LRRC37A2: variants seen among roughly 807,000 people sequenced by gnomAD.
LRRC37A2 encodes leucine rich repeat containing 37 member A2.
In LRRC37A2, 9 loss-of-function variants were observed where a neutral mutation model predicts 68.8. That is an observed-to-expected ratio of 0.13 (90% CI 0.08 to 0.23). The LOEUF is 0.23. LRRC37A2 is among the 10% of genes least tolerant of loss of function. LRRC37A2 has a pLI of 1.00. For synonymous variants in LRRC37A2, 63 were observed against 367.6 expected (o/e 0.17, Z 9.48); for missense variants, 168 against 950.4 (o/e 0.18, Z 10.82).
chr17:46,833,010 G>T, the LRRC37A2 span: 11 of 275,742 alleles, frequency 4.0e-5, no homozygotes, highest in Non-Finnish European at 6.4e-5. Context: ...GCCCCTTTAG[G>T]CTGTGCCTTG....
the LRRC37A2 span, among the ~76,000 whole-genome samples, chr17:46,767,323 G>A: frequency 1.1e-4 from 17 of 152,132 alleles, no homozygotes; most frequent in East Asian, 1.4e-3. Flanking sequence ...CCATAAACTC[G>A]GTGAGAGTGC....
the LRRC37A2 span, among the ~76,000 whole-genome samples, chr17:46,926,053 A>G: frequency 6.6e-6 from 1 of 152,200 alleles, no homozygotes; most frequent in Non-Finnish European, 1.5e-5. Context: ...GAAGCACTAC[A>G]TTTAACAAGC....
At chr17:47,011,518 C>T in the LRRC37A2 span, among the ~76,000 whole-genome samples, 4 of 149,808 alleles carry the variant, frequency 2.7e-5, no homozygotes, top group African/African-American at 4.9e-5. Flanking sequence ...TACCACTGTA[C>T]TCCAGCCTGG....
intron 8 of LRRC37A2, among the ~76,000 whole-genome samples, chr17:46,545,759 G>C (rs1273496368): frequency 7.0e-6 from 1 of 143,120 alleles, no homozygotes; most frequent in African/African-American, 2.8e-5. Flanking sequence ...TTATTCTTTT[G>C]AATGCTCAAA....
intron 6 of LRRC37A2, among the ~76,000 whole-genome samples, chr17:46,529,243 T>G (rs1336905557): frequency 1.7e-5 from 2 of 116,680 alleles, no homozygotes; most frequent in African/African-American, 2.9e-5. Flanking sequence ...GTGAGCTACC[T>G]TTATTCTGTC....
the LRRC37A2 span, among the ~76,000 whole-genome samples, chr17:46,914,415 G>A: frequency 3.9e-5 from 6 of 151,940 alleles, no homozygotes; most frequent in East Asian, 7.8e-4. Context: ...TTGGGAGGCC[G>A]AGGCAAGTGG....
At chr17:46,753,350 C>A in the LRRC37A2 span, among the ~76,000 whole-genome samples, 16 of 152,150 alleles carry the variant, frequency 1.1e-4, no homozygotes, top group Non-Finnish European at 2.1e-4. Flanking sequence ...GCTTTTTAAT[C>A]TTTTCTGGTA....
At chr17:47,003,987 T>TA in the LRRC37A2 span, among the ~76,000 whole-genome samples, 1 of 152,238 alleles carries the variant, frequency 6.6e-6, no homozygotes, top group Non-Finnish European at 1.5e-5. Flanking sequence ...TTTTTGTTCT[T>TA]ACGATAGTTT....
the LRRC37A2 span, among the ~76,000 whole-genome samples, chr17:46,805,200 C>T: frequency 6.6e-6 from 1 of 152,078 alleles, no homozygotes; most frequent in East Asian, 1.9e-4. Context: ...AATCCCAGCA[C>T]TTTGAGAGGC....
At chr17:46,936,539 G>A in the LRRC37A2 span, 12 of 985,442 alleles carry the variant, frequency 1.2e-5, no homozygotes, top group Admixed American at 1.2e-4. Flanking sequence ...TGCCTCCGTC[G>A]GGATTTTCCA....
At chr17:46,915,424 C>T in the LRRC37A2 span, among the ~76,000 whole-genome samples, 4 of 152,124 alleles carry the variant, frequency 2.6e-5, no homozygotes, top group Admixed American at 6.5e-5. Context: ...CTTGAAAATC[C>T]CAGAATTTCA....
the LRRC37A2 span, among the ~76,000 whole-genome samples, chr17:46,829,272 A>T: frequency 6.6e-6 from 1 of 152,000 alleles, no homozygotes; most frequent in Non-Finnish European, 1.5e-5. Flanking sequence ...GATTCAAGTG[A>T]TTCTCCTGCC....
At chr17:46,876,938 C>A in the LRRC37A2 span, 1 of 1,325,214 alleles carries the variant, frequency 7.5e-7, no homozygotes, top group Non-Finnish European at 9.6e-7. Context: ...TTAACCCAAG[C>A]ATCCCCAACC....
the LRRC37A2 span, among the ~76,000 whole-genome samples, chr17:46,771,129 C>T: frequency 6.6e-6 from 1 of 152,336 alleles, no homozygotes; most frequent in East Asian, 1.9e-4. Context: ...CGGCCGCTCT[C>T]CGCGGCCCCC....
chr17:46,726,361 C>T, the LRRC37A2 span, among the ~76,000 whole-genome samples: 1 of 152,192 alleles, frequency 6.6e-6, no homozygotes, highest in Non-Finnish European at 1.5e-5. Context: ...GCTGTTAGTG[C>T]TGAAAACAGC....
the LRRC37A2 span, chr17:46,932,279 G>A: frequency 6.5e-7 from 1 of 1,540,110 alleles, no homozygotes; most frequent in Non-Finnish European, 9.0e-7. Context: ...AGCGCCATCT[G>A]TTTTGGGGGT....
At chr17:46,840,016 T>TTTC in the LRRC37A2 span, among the ~76,000 whole-genome samples, 1 of 100,044 alleles carries the variant, frequency 1.0e-5, no homozygotes, top group East Asian at 6.4e-4. Flanking sequence ...TCTTTCTTTC[T>TTTC]TTCTTTCTTT....
chr17:46,833,938 G>A, the LRRC37A2 span, among the ~76,000 whole-genome samples: 2 of 152,128 alleles, frequency 1.3e-5, no homozygotes, highest in African/African-American at 2.4e-5. Context: ...GCTCATACCT[G>A]TAATCCCAGC....
chr17:46,694,579 G>A, the LRRC37A2 span: 988 of 1,434,514 alleles, frequency 6.9e-4, 3 homozygotes, highest in Middle Eastern at 1.7e-3. Context: ...AGAACTGGCC[G>A]TGGAGACCAA....
Sources: gnomAD v4.1 joint callset for allele counts (sites outside exome capture counted in the v4.1 genomes callset) on GRCh38, gnomAD v4.1.1 for gene constraint, MANE v1.5 for transcripts, NCBI Gene and HGNC (gene_info 2026-07-23, HGNC 2026-07-21) for gene names.